GLRA1: variants seen among roughly 807,000 people sequenced by gnomAD.
GLRA1 encodes glycine receptor subunit alpha-1.
GLRA1 carries 37 observed loss-of-function variants against 48.3 expected under a neutral mutation model. The observed-to-expected ratio is 0.77, with a 90% CI of 0.59 to 1.01. GLRA1 has a LOEUF of 1.01. GLRA1 is among the 50% of genes least tolerant of loss of function. GLRA1 has a pLI of 0.00. For missense variants in GLRA1, 427 were observed against 571.0 expected, an observed-to-expected ratio of 0.75 and a Z score of 2.57; for synonymous variants, 196 against 210.7, an observed-to-expected ratio of 0.93 and a Z score of 0.60.
At chr5:151,917,216 T>C (rs1340516921) in intron 1 of GLRA1, among the ~76,000 whole-genome samples, 1 of 152,126 alleles carries the variant, frequency 6.6e-6, no homozygotes, top group Admixed American at 6.5e-5. Context: ...GCATCAATCT[T>C]CTGGGTGCGC....
rs200997346 is a variant in GLRA1 at position 151,849,104 on chromosome 5, T to TTTCTTTCTTTTTCTTTCTTTC, written c.912+2285_912+2286insGAAAGAAAGAAAAAGAAAGAA. Reference sequence around the variant, plus strand: ...TTTTCTTTCCTTTTTATTTCTTTTCTTTTCTTTCTTTCTTTCTTTCTTTCT... The same window carrying TTTCTTTCTTTTTCTTTCTTTC: ...TTTTCTTTCCTTTTTATTTCTTTTCTTTCTTTCTTTTTCTTTCTTTCTTTCTTTCTTTCTTTCTTTCTTTCT... On this transcript the variant is annotated intron_variant, in intron 7 of 8. Coordinates refer to ENST00000274576, the MANE Select transcript of GLRA1 (RefSeq NM_000171.4). 13 of 116,990 alleles carry TTTCTTTCTTTTTCTTTCTTTC rather than the reference T, an allele frequency of 1.1e-4. 1 individual carries two copies. The highest frequency in any genetic ancestry group is 7.0e-4 in the African/African-American group (10 of 14,372). 7.2% of individuals were successfully genotyped at this position (116,990 alleles called of 1,614,324 possible).
rs908351339 is a variant in GLRA1, at chr5:151,880,416, T to C, written c.252+6305A>G. Among the ~76,000 whole-genome samples, 3 of 152,298 alleles carry C rather than the reference T, an allele frequency of 2.0e-5. No individual in the cohort carries two copies. In the East Asian group the frequency reaches 5.8e-4, roughly 29 times the overall value. On this transcript the variant is annotated intron_variant, in intron 3 of 8. Transcript: ENST00000274576. ...GATCTCTGTCCATTGCCCCTTAAAGTCAAATAAGGCCAAACTTGTGGACTG... is the reference window on the plus strand; with the variant it reads ...GATCTCTGTCCATTGCCCCTTAAAGCCAAATAAGGCCAAACTTGTGGACTG...
chr5:151,827,854 C>T (rs1763316902), intron 8 of GLRA1, among the ~76,000 whole-genome samples: 1 of 152,104 alleles, frequency 6.6e-6, no homozygotes, highest in African/African-American at 2.4e-5. Flanking sequence ...TGTCTGAAGG[C>T]TTCTTCTTTA....
At chr5:151,872,759 A>G (rs1377359438) in intron 3 of GLRA1, among the ~76,000 whole-genome samples, 1 of 150,000 alleles carries the variant, frequency 6.7e-6, no homozygotes, top group African/African-American at 2.5e-5. Context: ...TAATCTAATA[A>G]TAAATAATAT....
chr5:151,830,576 A>G (rs1763398219), intron 7 of GLRA1, among the ~76,000 whole-genome samples: 1 of 152,192 alleles, frequency 6.6e-6, no homozygotes, highest in Admixed American at 6.5e-5. Flanking sequence ...GCCTGAGTCA[A>G]AGTTGTAAAC....
chr5:151,893,990 G>T (rs1338218772), intron 1 of GLRA1, among the ~76,000 whole-genome samples: 2 of 152,144 alleles, frequency 1.3e-5, no homozygotes, highest in Non-Finnish European at 2.9e-5. Context: ...AGGCTCAAAG[G>T]TTGAAGAACA....
rs528708727 is a variant in GLRA1, at chr5:151,898,810, C to T, written c.57-6372G>A. Among the ~76,000 whole-genome samples, 10 of 152,180 alleles carry T rather than the reference C, an allele frequency of 6.6e-5. No individual in the cohort carries two copies. The South Asian group carries it at 1.7e-3, about 25-fold the overall frequency. On this transcript the variant is annotated intron_variant, in intron 1 of 8. Coordinates refer to ENST00000274576, the MANE Select transcript of GLRA1 (RefSeq NM_000171.4). ...TCAGCACTATAATTGAGGAATTCAG[C>T]GAGTACAGTGGACAGGTACCCAACT...
At chr5:151,913,587 G>A (rs976297257) in intron 1 of GLRA1, among the ~76,000 whole-genome samples, 2 of 152,190 alleles carry the variant, frequency 1.3e-5, no homozygotes, top group Admixed American at 6.5e-5. Flanking sequence ...AATGCATGAG[G>A]TAGATCCATA....
At chr5:151,840,233 A>G (rs1214386267) in intron 7 of GLRA1, among the ~76,000 whole-genome samples, 1 of 152,080 alleles carries the variant, frequency 6.6e-6, no homozygotes, top group African/African-American at 2.4e-5. Context: ...AGCTAGGACT[A>G]CAGCTGTATG....
intron 1 of GLRA1, among the ~76,000 whole-genome samples, chr5:151,922,847 C>A (rs571048649): frequency 5.6e-4 from 85 of 152,292 alleles, no homozygotes; most frequent in African/African-American, 1.9e-3. Flanking sequence ...GTGCTTGGTT[C>A]TATTAATTTG....
At chr5:151,916,303 T>A (rs376300120) in intron 1 of GLRA1, among the ~76,000 whole-genome samples, 38 of 152,200 alleles carry the variant, frequency 2.5e-4, no homozygotes, top group African/African-American at 9.2e-4. Context: ...ATATAAAACA[T>A]GCTATAACCT....
In GLRA1 at chr5:151,924,781, T is replaced by G; in HGVS notation, c.-232A>C. 1 of 607,670 alleles carries G rather than the reference T, an allele frequency of 1.6e-6. No homozygotes were observed. The highest frequency in any genetic ancestry group is 2.9e-6 in the Non-Finnish European group (1 of 339,518). 37.6% of individuals were successfully genotyped at this position (607,670 alleles called of 1,614,324 possible). ...CAGCACCACGGAGAGCGTCCAGACC[T>G]GCTTTTCAGGAGCGCGAAGAGTATT... On this transcript the variant is annotated 5_prime_UTR_variant, in exon 1 of 9. Coordinates refer to ENST00000274576, the MANE Select transcript of GLRA1 (RefSeq NM_000171.4).
At chr5:151,837,928 C>T (rs1305087304) in intron 7 of GLRA1, among the ~76,000 whole-genome samples, 1 of 152,086 alleles carries the variant, frequency 6.6e-6, no homozygotes, top group Non-Finnish European at 1.5e-5. Flanking sequence ...CCTGCATGTT[C>T]TGCACATGTA....
intron 7 of GLRA1, among the ~76,000 whole-genome samples, chr5:151,834,459 G>T (rs1435147852): frequency 1.3e-5 from 2 of 152,130 alleles, no homozygotes; most frequent in Non-Finnish European, 2.9e-5. Flanking sequence ...CAGAATCTCT[G>T]GGACACATCT....
At chr5:151,905,079 A>G (rs1031571598) in intron 1 of GLRA1, among the ~76,000 whole-genome samples, 2 of 152,204 alleles carry the variant, frequency 1.3e-5, no homozygotes, top group African/African-American at 2.4e-5. Flanking sequence ...GCTGCTGCAC[A>G]TATGGAAACT....
At chr5:151,922,129 C>G (rs1581670593) in intron 1 of GLRA1, among the ~76,000 whole-genome samples, 1 of 152,338 alleles carries the variant, frequency 6.6e-6, no homozygotes, top group East Asian at 1.9e-4. Context: ...CAGCTGGCAT[C>G]ATTTATTCTA....
In GLRA1 at chr5:151,828,293, G is replaced by A. The variant is rs955624212; in HGVS notation, c.1059+628C>T. 2.0e-5 allele frequency among the ~76,000 whole-genome samples: 3 copies of A among 152,144 alleles called. No individual in the cohort carries two copies. In the East Asian group the frequency reaches 5.8e-4, roughly 29 times the overall value. ...CTGGGGAACTAGTTATGGACCCACG[G>A]TATGGAGCAGTTTGCTCCAGCAGGC... On this transcript the variant is annotated intron_variant, in intron 8 of 8. Transcript: ENST00000274576.
chr5:151,824,186 T>TG (rs1210648875), intron 8 of GLRA1, among the ~76,000 whole-genome samples: 3 of 151,766 alleles, frequency 2.0e-5, no homozygotes, highest in South Asian at 2.1e-4. Flanking sequence ...TTTGTAGAGA[T>TG]GGGGGTCTCG....
chr5:151,843,183 C>T (rs900866310), intron 7 of GLRA1, among the ~76,000 whole-genome samples: 1 of 151,768 alleles, frequency 6.6e-6, no homozygotes, highest in Non-Finnish European at 1.5e-5. Flanking sequence ...CTGATTGGTC[C>T]ATGGAGTCAA....
Sources: allele counts gnomAD v4.1 joint callset (sites outside exome capture counted in the v4.1 genomes callset), GRCh38; gene constraint gnomAD v4.1.1; transcripts MANE v1.5; gene names NCBI Gene and HGNC (gene_info 2026-07-23, HGNC 2026-07-21).